Variants in LRP6 observed in about 807,000 individuals in gnomAD.
LRP6 encodes the protein low-density lipoprotein receptor-related protein 6.
LRP6 carries 43 observed loss-of-function variants against 184.1 expected under a neutral mutation model. The observed-to-expected ratio is 0.23, with a 90% CI of 0.18 to 0.30. The LOEUF is 0.30. Ranked by LOEUF, LRP6 falls within the 10% of genes least tolerant of loss-of-function variation. The probability of loss-of-function intolerance (pLI) is 1.00; values close to 1 mark genes in which losing one functional copy is unlikely to be tolerated. For missense variants in LRP6, 1,571 were observed against 2,005.3 expected (o/e 0.78, Z 4.14); for synonymous variants, 719 against 684.9 (o/e 1.05, Z -0.78).
At chr12:12,128,003 C>T (rs935570253) in intron 19 of LRP6, among the ~76,000 whole-genome samples, 14 of 151,974 alleles carry the variant, frequency 9.2e-5, no homozygotes, top group Non-Finnish European at 1.8e-4. Context: ...CTTTTTAGTC[C>T]CCTAACATTC....
At position 12,265,215 on chromosome 12, in the gene LRP6, T is replaced by A. The variant is rs948036537; in HGVS notation, c.55+1466A>T. Among the ~76,000 whole-genome samples the A allele has an allele frequency of 2.6e-5, 4 of 151,514 alleles. No individual in the cohort carries two copies. The South Asian group carries it at 8.3e-4, about 31-fold the overall frequency. ...TCAATAGAGTATGCCAATAATAAAA[T>A]AAGTATATACTTATGAAACCTCTCC... On this transcript the variant is annotated intron_variant, in intron 1 of 22. Transcript: ENST00000261349.
At chr12:12,185,696 A>C (rs1236126815) in intron 4 of LRP6, among the ~76,000 whole-genome samples, 1 of 152,144 alleles carries the variant, frequency 6.6e-6, no homozygotes, top group Non-Finnish European at 1.5e-5. Context: ...ACAGAACCAA[A>C]ACTAAGGAAA....
intron 14 of LRP6, among the ~76,000 whole-genome samples, chr12:12,148,037 CTT>C (rs1950033988): frequency 6.7e-6 from 1 of 149,448 alleles, no homozygotes; most frequent in Admixed American, 6.7e-5. Flanking sequence ...TATAAATCCT[CTT>C]TTATATAAAT....
At chr12:12,157,830 C>T (rs1328915922) in intron 12 of LRP6, among the ~76,000 whole-genome samples, 1 of 152,106 alleles carries the variant, frequency 6.6e-6, no homozygotes, top group Non-Finnish European at 1.5e-5. Flanking sequence ...CCAATTTGTT[C>T]TTGTCTATCC....
chr12:12,214,709 G>C (rs1412905216), intron 2 of LRP6, among the ~76,000 whole-genome samples: 1 of 152,118 alleles, frequency 6.6e-6, no homozygotes, highest in Non-Finnish European at 1.5e-5. Flanking sequence ...TTTCCTGGTT[G>C]GGGGAATATG....
At chr12:12,165,794 A>G (rs1026404331) in intron 7 of LRP6, among the ~76,000 whole-genome samples, 5 of 152,048 alleles carry the variant, frequency 3.3e-5, no homozygotes, top group Non-Finnish European at 7.4e-5. Context: ...CATGCTTTTT[A>G]TTTTGTTGTT....
intron 4 of LRP6, 41 bp from the exon 5 acceptor site, chr12:12,184,152 T>C: frequency 4.4e-6 from 7 of 1,578,204 alleles, no homozygotes; most frequent in Non-Finnish European, 6.1e-6. Context: ...CAATGATTAC[T>C]AAGTACACAA....
chr12:12,206,891 G>C (rs574753590), intron 2 of LRP6, among the ~76,000 whole-genome samples: 1 of 151,824 alleles, frequency 6.6e-6, no homozygotes. Context: ...CTTCCAATAG[G>C]CTCTGTGAGT....
At chr12:12,202,000 C>A (rs909371455) in intron 3 of LRP6, among the ~76,000 whole-genome samples, 17 of 152,210 alleles carry the variant, frequency 1.1e-4, no homozygotes, top group Admixed American at 1.3e-4. Flanking sequence ...TGAAAAAATC[C>A]TACAGTCACC....
At chr12:12,235,751 A>T (rs1864916498) in intron 2 of LRP6, among the ~76,000 whole-genome samples, 1 of 151,928 alleles carries the variant, frequency 6.6e-6, no homozygotes, top group Admixed American at 6.6e-5. Context: ...AGAAAAAGAA[A>T]AAAGAAAATC....
At chr12:12,206,891 G>T (rs574753590) in intron 2 of LRP6, among the ~76,000 whole-genome samples, 2 of 151,942 alleles carry the variant, frequency 1.3e-5, no homozygotes, top group African/African-American at 4.8e-5. Flanking sequence ...CTTCCAATAG[G>T]CTCTGTGAGT....
At chr12:12,142,549 GA>G (rs1009525208) in intron 15 of LRP6, among the ~76,000 whole-genome samples, 22 of 148,008 alleles carry the variant, frequency 1.5e-4, no homozygotes, top group Middle Eastern at 3.4e-3. Context: ...GAATACGTAA[GA>G]AAAAAAAAAT....
At chr12:12,135,052 AAC>A in intron 17 of LRP6, 121 bp downstream of exon 17, 1 of 1,365,678 alleles carries the variant, frequency 7.3e-7, no homozygotes, top group Non-Finnish European at 1.0e-6. Context: ...AAATGAATGG[AAC>A]ACACGCAACC....
At chr12:12,174,849 C>T (rs1044607192) in intron 7 of LRP6, among the ~76,000 whole-genome samples, 2 of 152,142 alleles carry the variant, frequency 1.3e-5, no homozygotes, top group Non-Finnish European at 2.9e-5. Context: ...ACTAAAGGTT[C>T]TAATAAACCT....
At chr12:12,146,889 A>G (rs541233612) in intron 15 of LRP6, among the ~76,000 whole-genome samples, 1 of 152,356 alleles carries the variant, frequency 6.6e-6, no homozygotes, top group East Asian at 1.9e-4. Context: ...GCGGTGGCTT[A>G]CGCCTGTAAT....
At chr12:12,219,047 G>A (rs1426372663) in intron 2 of LRP6, among the ~76,000 whole-genome samples, 1 of 118,180 alleles carries the variant, frequency 8.5e-6, no homozygotes, top group Non-Finnish European at 1.9e-5. Flanking sequence ...AGACCAGCCT[G>A]GCCGACATGG....
intron 2 of LRP6, among the ~76,000 whole-genome samples, chr12:12,218,664 T>C (rs1300987005): frequency 2.0e-5 from 3 of 151,792 alleles, no homozygotes; most frequent in Non-Finnish European, 4.4e-5. Context: ...GGTTATAACT[T>C]TTTAAAAAAG....
chr12:12,249,172 A>G lies in LRP6; in HGVS notation c.56-4517T>C. 4.1e-6 allele frequency: 3 copies of G among 724,918 alleles called. 1 individual carries two copies. Among genetic ancestry groups the G allele is most frequent in the Admixed American group, 4.1e-5 (2 of 49,052 alleles). The allele number at this position is 724,918 out of a possible 1,614,324, so 44.9% of individuals were successfully genotyped here. On this transcript the variant is annotated intron_variant, in intron 1 of 22. Transcript: ENST00000261349. ...GGGCCTGCAAGAACAATTTATGAAA[A>G]CTGAATATACAGCCTTAAAATAAAA...
rs576093600 is a variant in LRP6 at position 12,189,737 on chromosome 12, G to A, written c.648-2618C>T. On this transcript the variant is annotated intron_variant, in intron 3 of 22. Coordinates refer to ENST00000261349, the MANE Select transcript of LRP6 (RefSeq NM_002336.3). ...GCTGGTCTCAAACTCCTGACCTCAGGTGATCTGCCCACCTTGGCCTCCTAA... is the reference window on the plus strand; with the variant it reads ...GCTGGTCTCAAACTCCTGACCTCAGATGATCTGCCCACCTTGGCCTCCTAA... Among the ~76,000 whole-genome samples the A allele has an allele frequency of 2.6e-5, 4 of 152,210 alleles. No individual in the cohort carries two copies. The East Asian group carries it at 5.8e-4, about 22-fold the overall frequency.
Sources: allele counts gnomAD v4.1 joint callset (sites outside exome capture counted in the v4.1 genomes callset), GRCh38; gene constraint gnomAD v4.1.1; transcripts MANE v1.5; gene names NCBI Gene and HGNC (gene_info 2026-07-23, HGNC 2026-07-21).